Variants in MDGA2 observed in about 807,000 individuals in gnomAD.
MDGA2 encodes MAM domain-containing glycosylphosphatidylinositol anchor protein 2.
In MDGA2, 40 loss-of-function variants were observed where a neutral mutation model predicts 117.8. The ratio of observed to expected loss-of-function variants is 0.34; its 90% confidence interval spans 0.26 to 0.44. The LOEUF is 0.44. Among genes scored for constraint, MDGA2 ranks in the 20% least tolerant of loss-of-function variants. MDGA2 has a pLI of 1.00. For synonymous variants in MDGA2, 452 were observed against 439.0 expected (o/e 1.03, Z -0.37); for missense variants, 1,123 against 1,250.6 (o/e 0.90, Z 1.54).
chr14:46,940,260 T>C (rs1035285776), intron 9 of MDGA2, among the ~76,000 whole-genome samples: 2 of 152,216 alleles, frequency 1.3e-5, no homozygotes, highest in African/African-American at 4.8e-5. Flanking sequence ...AATATTTAAC[T>C]CAAGAATAAT....
At chr14:46,896,237 T>C (rs899995286) in intron 10 of MDGA2, among the ~76,000 whole-genome samples, 3 of 152,156 alleles carry the variant, frequency 2.0e-5, no homozygotes, top group Non-Finnish European at 4.4e-5. Flanking sequence ...ACCATAGCTT[T>C]AATTCAATTA....
At chr14:47,563,578 G>GGTTT (rs1895857035) in intron 1 of MDGA2, among the ~76,000 whole-genome samples, 33 of 56,944 alleles carry the variant, frequency 5.8e-4, no homozygotes, top group African/African-American at 3.1e-3. Context: ...GCTTTTTTCT[G>GGTTT]TTTTTTTTTT....
chr14:47,607,188 A>T (rs916063823), intron 1 of MDGA2, among the ~76,000 whole-genome samples: 1 of 152,170 alleles, frequency 6.6e-6, no homozygotes. Flanking sequence ...AAATTGCCTG[A>T]CATTCATCTC....
In MDGA2 at chr14:47,288,284, G is replaced by A. The variant is rs567425041; in HGVS notation, c.420+13127C>T. 2.0e-5 allele frequency among the ~76,000 whole-genome samples: 3 copies of A among 152,236 alleles called. No individual in the cohort carries two copies. The East Asian group carries it at 5.8e-4, about 29-fold the overall frequency. ...GACATCATGCTTTTGTGCTATTTCAGAAAATTCTTTTCAAAATGACCTGTA... is the reference window on the plus strand; with the variant it reads ...GACATCATGCTTTTGTGCTATTTCAAAAAATTCTTTTCAAAATGACCTGTA... On this transcript the variant is annotated intron_variant, in intron 2 of 16. Coordinates refer to ENST00000399232, the MANE Select transcript of MDGA2 (RefSeq NM_001113498.3).
intron 10 of MDGA2, among the ~76,000 whole-genome samples, chr14:46,913,977 T>C (rs1277438089): frequency 6.6e-6 from 1 of 152,172 alleles, no homozygotes; most frequent in Admixed American, 6.5e-5. Context: ...TGGTCAATTA[T>C]GGATTTTTTT....
Position 46,882,177 on chromosome 14 carries a change from C to T in MDGA2, c.2283G>A (p.Gly761=), listed in dbSNP as rs759454328. 7 of 1,612,200 alleles carry T rather than the reference C, an allele frequency of 4.3e-6. No individual in the cohort carries two copies. Among genetic ancestry groups the T allele is most frequent in the African/African-American group, 1.3e-5 (1 of 74,886 alleles). The change falls in exon 11 of 17, where the codon GGG becomes GGA. Residue 761 remains glycine (G), a synonymous_variant. Coordinates refer to ENST00000399232, the MANE Select transcript of MDGA2 (RefSeq NM_001113498.3). ...TAATTAATTCTCCCTTTTGAATATT[C>T]CCATTTATTTTAATCTCCTGCTCCC... ...RWWEQEIKIN[G]NIQKGELITY...
At chr14:47,354,977 T>C (rs1890962160) in intron 1 of MDGA2, among the ~76,000 whole-genome samples, 1 of 152,008 alleles carries the variant, frequency 6.6e-6, no homozygotes, top group Non-Finnish European at 1.5e-5. Context: ...TGGGAAAATT[T>C]TAACTTAGGA....
At chr14:47,084,298 A>G (rs1023584549) in intron 6 of MDGA2, among the ~76,000 whole-genome samples, 1 of 152,096 alleles carries the variant, frequency 6.6e-6, no homozygotes, top group Non-Finnish European at 1.5e-5. Flanking sequence ...TAAATAATCT[A>G]TGGGTCAAAG....
chr14:47,509,775 T>C (rs1566491422), intron 1 of MDGA2, among the ~76,000 whole-genome samples: 1 of 152,244 alleles, frequency 6.6e-6, no homozygotes, highest in Non-Finnish European at 1.5e-5. Context: ...AATGTCTATC[T>C]TATGACTGCC....
chr14:47,358,236 C>G (rs1454757935), intron 1 of MDGA2, among the ~76,000 whole-genome samples: 14 of 152,158 alleles, frequency 9.2e-5, no homozygotes, highest in Admixed American at 9.2e-4. Flanking sequence ...TGCCTTTACT[C>G]CACCTCTGTA....
chr14:46,845,183 G>A (rs1447300854), intron 16 of MDGA2, among the ~76,000 whole-genome samples: 1 of 152,046 alleles, frequency 6.6e-6, no homozygotes, highest in African/African-American at 2.4e-5. Context: ...GCGCCCGGCC[G>A]ATCTGATGAT....
chr14:47,262,719 GGTC>G (rs1887837778), intron 2 of MDGA2, among the ~76,000 whole-genome samples: 5 of 152,144 alleles, frequency 3.3e-5, no homozygotes, highest in African/African-American at 4.8e-5. Flanking sequence ...AAGACCAAAA[GGTC>G]ATAATATTTG....
intron 2 of MDGA2, among the ~76,000 whole-genome samples, chr14:47,261,441 C>T (rs1374086974): frequency 6.6e-6 from 1 of 152,030 alleles, no homozygotes; most frequent in East Asian, 1.9e-4. Context: ...AAGTAAGGAT[C>T]AAGTTTTATA....
At chr14:46,999,348 G>A (rs1887419826) in intron 8 of MDGA2, among the ~76,000 whole-genome samples, 1 of 151,868 alleles carries the variant, frequency 6.6e-6, no homozygotes, top group Non-Finnish European at 1.5e-5. Context: ...AGCAGTATTT[G>A]CAGACACTAT....
At chr14:47,173,368 T>C (rs1047858340) in intron 3 of MDGA2, among the ~76,000 whole-genome samples, 1 of 151,880 alleles carries the variant, frequency 6.6e-6, no homozygotes, top group African/African-American at 2.4e-5. Flanking sequence ...AAAGTTGAAA[T>C]GAAGGAAAAA....
At chr14:47,174,969 C>G (rs1884367739) in intron 3 of MDGA2, among the ~76,000 whole-genome samples, 1 of 152,040 alleles carries the variant, frequency 6.6e-6, no homozygotes, top group South Asian at 2.1e-4. Flanking sequence ...AAGGGGATAT[C>G]ACCACCAATC....
chr14:47,262,460 C>G (rs1476806974), intron 2 of MDGA2, among the ~76,000 whole-genome samples: 3 of 152,144 alleles, frequency 2.0e-5, no homozygotes, highest in Non-Finnish European at 4.4e-5. Context: ...ACAAAATTTA[C>G]ACCATACACT....
chr14:47,199,316 A>G (rs1594716570), intron 3 of MDGA2, among the ~76,000 whole-genome samples: 2 of 152,166 alleles, frequency 1.3e-5, no homozygotes, highest in African/African-American at 4.8e-5. Context: ...CCAATTCAAC[A>G]TTCCAACAAT....
chr14:47,090,357 A>G (rs1250285022), intron 6 of MDGA2, among the ~76,000 whole-genome samples: 1 of 149,680 alleles, frequency 6.7e-6, no homozygotes, highest in South Asian at 2.1e-4. Context: ...TTACTTCTTT[A>G]TATTAGGACT....
Sources: gnomAD v4.1 joint callset for allele counts (sites outside exome capture counted in the v4.1 genomes callset) on GRCh38, gnomAD v4.1.1 for gene constraint, MANE v1.5 for transcripts, NCBI Gene and HGNC (gene_info 2026-07-23, HGNC 2026-07-21) for gene names.